TNKS: variants seen among roughly 807,000 people sequenced by gnomAD.
TNKS encodes the protein tankyrase, also known as poly [ADP-ribose] polymerase tankyrase-1.
Under a neutral mutation model 135.8 loss-of-function variants are expected in TNKS, and 72 were observed. The ratio of observed to expected loss-of-function variants is 0.53; its 90% CI spans 0.44 to 0.64. The LOEUF (loss-of-function observed/expected upper bound fraction) is 0.64, where lower values mean the gene tolerates loss of function less well. TNKS is among the 30% of genes least tolerant of loss of function. The probability of loss-of-function intolerance (pLI) is 0.00; values close to 1 mark genes in which losing one functional copy is unlikely to be tolerated. For synonymous variants in TNKS, 849 were observed against 649.3 expected (o/e 1.31, Z -4.68); for missense variants, 1,769 against 1,674.0 (o/e 1.06, Z -0.99).
At chr8:9,649,031 G>T (rs186103495) in intron 3 of TNKS, among the ~76,000 whole-genome samples, 2 of 152,152 alleles carry the variant, frequency 1.3e-5, no homozygotes, top group African/African-American at 4.8e-5. Flanking sequence ...CACAGTTTTG[G>T]TGTGGCTATT....
Position 9,556,246 on chromosome 8 carries a change from C to G in TNKS, c.307C>G (p.Pro103Ala), listed in dbSNP as rs1815291666. The G allele has an allele frequency of 1.9e-6, 3 of 1,614,120 alleles. No individual in the cohort carries two copies. The highest frequency in any genetic ancestry group is 4.5e-5 in the East Asian group (2 of 44,902). Residue 103 changes from proline to alanine, a missense_variant, in exon 1 of 27, where the codon CCC becomes GCC. Pro to Ala is a conservative substitution (Grantham distance 27). This residue lies in a region of TNKS where 450 missense variants were observed against 304.9 expected (regional missense o/e 1.48). Transcript: ENST00000310430. ...CACAATCTGTACCGTCGCCGCCGCT[C>G]CCGTGGTCCCAGCGGTTTCTACTTC... The part of the protein sequence containing the change: ...TSTICTVAAA[P>A]VVPAVSTSSA...
At position 9,776,810 on chromosome 8, in the gene TNKS, A is replaced by G. The variant is rs571205423; in HGVS notation, c.*74A>G. ...TTACAGAGGATTGTTTCTAATAACAACATCAATATTCTAGAAGTCCCTGAC... is the reference window on the plus strand; with the variant it reads ...TTACAGAGGATTGTTTCTAATAACAGCATCAATATTCTAGAAGTCCCTGAC... On this transcript the variant is annotated 3_prime_UTR_variant, in exon 27 of 27. Coordinates refer to ENST00000310430, the MANE Select transcript of TNKS (RefSeq NM_003747.3). 4.2e-6 allele frequency: 6 copies of G among 1,414,160 alleles called. No individual in the cohort carries two copies. In the African/African-American group the frequency reaches 7.1e-5, roughly 17 times the overall value. 87.6% of individuals were successfully genotyped at this position (1,414,160 alleles called of 1,614,324 possible). A position where few individuals can be genotyped will look rare whatever the true frequency, so the allele number is the denominator to read the frequency against.
intron 3 of TNKS, among the ~76,000 whole-genome samples, chr8:9,634,916 T>G (rs4496970): frequency 0.22 from 33,987 of 151,632 alleles, 4,090 homozygotes; most frequent in South Asian, 0.33. Flanking sequence ...GGTGGCTCAC[T>G]CCTGTAATCC....
intron 3 of TNKS, among the ~76,000 whole-genome samples, chr8:9,624,511 T>A (rs1288880722): frequency 6.6e-6 from 1 of 152,228 alleles, no homozygotes. Context: ...TTTCCCCTAG[T>A]GGTAACACCT....
chr8:9,683,717 A>G (rs896182877), intron 5 of TNKS, among the ~76,000 whole-genome samples: 2 of 151,934 alleles, frequency 1.3e-5, no homozygotes, highest in African/African-American at 4.8e-5. Flanking sequence ...TTATACAATG[A>G]GAGTGTAAAT....
At chr8:9,605,741 T>C (rs1799192122) in intron 2 of TNKS, among the ~76,000 whole-genome samples, 1 of 152,106 alleles carries the variant, frequency 6.6e-6, no homozygotes, top group Admixed American at 6.5e-5. Flanking sequence ...AATTTATATA[T>C]CTTCTTCTGT....
chr8:9,556,859 A>T, intron 1 of TNKS: 1 of 580,694 alleles, frequency 1.7e-6, no homozygotes, highest in South Asian at 2.3e-5. Flanking sequence ...AACTCACTGT[A>T]GTTGGTAGTC....
intron 3 of TNKS, among the ~76,000 whole-genome samples, chr8:9,646,405 A>G (rs1387975063): frequency 1.3e-5 from 2 of 151,920 alleles, no homozygotes; most frequent in Non-Finnish European, 2.9e-5. Flanking sequence ...TTCATTTTCT[A>G]GCTTGTATTA....
chr8:9,584,631 C>T lies in TNKS; in HGVS notation c.898+4248C>T, dbSNP rs113688815. Reference sequence around the variant, plus strand: ...ACTTGCAAATTAGTATAATTGATAACAGAGATCTTGAGAAGGTTGCTAAAT... The same window carrying T: ...ACTTGCAAATTAGTATAATTGATAATAGAGATCTTGAGAAGGTTGCTAAAT... On this transcript the variant is annotated intron_variant, in intron 2 of 26. Coordinates refer to ENST00000310430, the MANE Select transcript of TNKS (RefSeq NM_003747.3). Among the ~76,000 whole-genome samples the T allele has an allele frequency of 1.0e-3, 154 of 152,260 alleles. 1 individual carries two copies. Among genetic ancestry groups the T allele is most frequent in the African/African-American group, 3.5e-3 (146 of 41,546 alleles).
At chr8:9,571,117 C>T (rs1797740770) in intron 1 of TNKS, among the ~76,000 whole-genome samples, 1 of 152,164 alleles carries the variant, frequency 6.6e-6, no homozygotes, top group African/African-American at 2.4e-5. Flanking sequence ...CTTTTCCTCC[C>T]TACTGTGGCC....
intron 12 of TNKS, among the ~76,000 whole-genome samples, chr8:9,721,828 C>T (rs895621980): frequency 1.3e-5 from 2 of 151,866 alleles, no homozygotes; most frequent in African/African-American, 2.4e-5. Context: ...CCGAGGTGGG[C>T]GGATCACGAG....
intron 2 of TNKS, among the ~76,000 whole-genome samples, chr8:9,607,932 G>T (rs1047342037): frequency 1.3e-5 from 2 of 151,956 alleles, no homozygotes; most frequent in Non-Finnish European, 2.9e-5. Flanking sequence ...TGATGACACC[G>T]CCTTGATTTG....
intron 1 of TNKS, chr8:9,558,713 C>G (rs999168736): frequency 1.3e-5 from 2 of 152,128 alleles, no homozygotes; most frequent in African/African-American, 4.8e-5. Context: ...GATAAACAAT[C>G]AAACAGTACC....
At chr8:9,667,798 T>C (rs932084794) in intron 3 of TNKS, among the ~76,000 whole-genome samples, 2 of 151,930 alleles carry the variant, frequency 1.3e-5, no homozygotes, top group Non-Finnish European at 2.9e-5. Context: ...TTGACTTTAG[T>C]GAAGTCTGAT....
intron 17 of TNKS, among the ~76,000 whole-genome samples, chr8:9,740,443 G>A (rs1383402954): frequency 6.6e-6 from 1 of 152,108 alleles, no homozygotes; most frequent in East Asian, 1.9e-4. Context: ...CCTTCTCCCT[G>A]GCCCTTTGTA....
intron 1 of TNKS, among the ~76,000 whole-genome samples, chr8:9,579,553 C>T (rs544745349): frequency 6.6e-6 from 1 of 152,180 alleles, no homozygotes; most frequent in African/African-American, 2.4e-5. Flanking sequence ...ACTGCCATCT[C>T]TGCCTCCCAG....
chr8:9,596,426 T>G (rs1031047687), intron 2 of TNKS, among the ~76,000 whole-genome samples: 2 of 152,228 alleles, frequency 1.3e-5, no homozygotes, highest in South Asian at 4.1e-4. Flanking sequence ...ATAATAATTG[T>G]ATTTATAGGC....
At chr8:9,743,325 A>T (rs1806068574) in intron 17 of TNKS, 1 of 152,022 alleles carries the variant, frequency 6.6e-6, no homozygotes, top group Non-Finnish European at 1.5e-5. Context: ...AGTCTAGCAA[A>T]CTCTGCAGGC....
At chr8:9,610,436 G>A (rs781776648) in intron 2 of TNKS, among the ~76,000 whole-genome samples, 1 of 151,668 alleles carries the variant, frequency 6.6e-6, no homozygotes, top group Admixed American at 6.6e-5. Flanking sequence ...TGTTTGTGTA[G>A]AAGAAATAGT....
Sources: gnomAD v4.1 joint callset for allele counts (sites outside exome capture counted in the v4.1 genomes callset) on GRCh38, gnomAD v4.1.1 for gene constraint, gnomAD v4.1.1 regional missense constraint, MANE v1.5 for transcripts, NCBI Gene and HGNC (gene_info 2026-07-23, HGNC 2026-07-21) for gene names.